The following IL4R variants were observed in gnomAD, a reference collection of about 807,000 sequenced individuals.
The protein encoded by IL4R is interleukin 4 receptor.
Under a neutral mutation model 41.5 loss-of-function variants are expected in IL4R, and 17 were observed. The observed-to-expected ratio is 0.41, with a 90% CI of 0.28 to 0.61. IL4R has a LOEUF of 0.61. Among genes scored for constraint, IL4R ranks in the 20% least tolerant of loss-of-function variants. The pLI, the probability that IL4R is intolerant of heterozygous loss-of-function variation, is 0.31. For synonymous variants in IL4R, 402 were observed against 422.9 expected (o/e 0.95, Z 0.61); for missense variants, 974 against 1,043.1 (o/e 0.93, Z 0.91).
chr16:27,348,826 G>A (rs1055873790), intron 6 of IL4R, among the ~76,000 whole-genome samples: 3 of 152,184 alleles, frequency 2.0e-5, no homozygotes, highest in Admixed American at 6.5e-5. Context: ...AATAAGGCAG[G>A]AGTGGCTTCC....
chr16:27,351,433 G>C (rs1228622487), intron 6 of IL4R, among the ~76,000 whole-genome samples: 1 of 151,582 alleles, frequency 6.6e-6, no homozygotes, highest in Admixed American at 6.6e-5. Flanking sequence ...ATGACACAAA[G>C]ATGTGATTCA....
At chr16:27,346,444 C>T (rs1476361818) in intron 5 of IL4R, 23 bp from the exon 6 acceptor site, 1 of 1,613,742 alleles carries the variant, frequency 6.2e-7, no homozygotes. Flanking sequence ...TAGATCCTCA[C>T]ATAGAGGCCG....
chr16:27,362,889 C>A lies in IL4R; in HGVS notation c.1537C>A (p.Leu513Met), dbSNP rs2086352208. ...GAGCCAGTCACCGTGTCCCAGAGAG[C>A]TGGGTCCAGACCCACTGCTGGCCAG... The part of the protein sequence containing the change: ...SLSQSPCPRE[L>M]GPDPLLARHL... Residue 513 changes from leucine to methionine, a missense_variant, in exon 11 of 11, where the codon CTG becomes ATG. Leu to Met is a conservative substitution (Grantham distance 15). Coordinates refer to ENST00000395762, the MANE Select transcript of IL4R (RefSeq NM_000418.4). 6 of 1,614,166 alleles carry A rather than the reference C, an allele frequency of 3.7e-6. No homozygotes were observed. The East Asian group carries it at 1.3e-4, about 36-fold the overall frequency.
intron 10 of IL4R, 132 bp downstream of exon 10, chr16:27,360,947 G>C (rs1179792067): frequency 9.5e-6 from 15 of 1,571,636 alleles, no homozygotes; most frequent in Non-Finnish European, 1.3e-5. Context: ...TAGCCTTCAA[G>C]GGACGGCAGG....
At chr16:27,354,781 C>T (rs907067724) in intron 7 of IL4R, among the ~76,000 whole-genome samples, 1 of 152,192 alleles carries the variant, frequency 6.6e-6, no homozygotes, top group Non-Finnish European at 1.5e-5. Context: ...ACCCTGCCAC[C>T]GCACAGCCCT....
Position 27,352,624 on chromosome 16 carries a change from C to G in IL4R, c.598C>G (p.Arg200Gly), listed in dbSNP as rs370524692. 1 of 1,614,016 alleles carries G rather than the reference C, an allele frequency of 6.2e-7. No individual in the cohort carries two copies. The highest frequency in any genetic ancestry group is 1.3e-5 in the African/African-American group (1 of 74,918). Residue 200 changes from arginine (R) to glycine (G), a missense_variant, in exon 7 of 11, where the codon CGG (arginine) becomes GGG (glycine). By Grantham distance (125) the Arg-to-Gly change is moderately radical (BLOSUM62 -2). Around this residue, in one of 3 missense-constraint regions of IL4R, gnomAD observed 284 missense variants for 313.4 expected, o/e 0.91. Transcript: ENST00000395762. ...TLKSGISYRARVRAWAQCYNT... is the reference protein window; with the variant it reads ...TLKSGISYRAGVRAWAQCYNT... ...GAAGTCTGGGATTTCCTACAGGGCACGGGTGAGGGCCTGGGCTCAGTGCTA... is the reference window on the plus strand; with the variant it reads ...GAAGTCTGGGATTTCCTACAGGGCAGGGGTGAGGGCCTGGGCTCAGTGCTA...
rs749963919 is a variant in IL4R at position 27,363,880 on chromosome 16, C to T, written c.*50C>T. On this transcript the variant is annotated 3_prime_UTR_variant, in exon 11 of 11. Transcript: ENST00000395762. ...CTGCAGATGAGGACTAGGGCTTATCCATGCCTGGGAAATGCCACCTCCTGG... is the reference window on the plus strand; with the variant it reads ...CTGCAGATGAGGACTAGGGCTTATCTATGCCTGGGAAATGCCACCTCCTGG... 2.1e-5 allele frequency: 32 copies of T among 1,529,638 alleles called. No individual in the cohort carries two copies. In the South Asian group the frequency reaches 3.9e-4, roughly 18 times the overall value. 94.8% of individuals were successfully genotyped at this position (1,529,638 alleles called of 1,614,324 possible). A position where few individuals can be genotyped will look rare whatever the true frequency, so the allele number is the denominator to read the frequency against.
At chr16:27,332,072 G>A (rs2085125019) in intron 2 of IL4R, among the ~76,000 whole-genome samples, 1 of 151,916 alleles carries the variant, frequency 6.6e-6, no homozygotes, top group Non-Finnish European at 1.5e-5. Flanking sequence ...TAACCTCCTG[G>A]GCTCAAGTGA....
At chr16:27,338,209 C>A (rs1454606001) in intron 2 of IL4R, among the ~76,000 whole-genome samples, 1 of 151,590 alleles carries the variant, frequency 6.6e-6, no homozygotes, top group Non-Finnish European at 1.5e-5. Context: ...CCCACCTCAG[C>A]CTCCCAAACT....
intron 2 of IL4R, among the ~76,000 whole-genome samples, chr16:27,338,421 G>T (rs1402023625): frequency 6.6e-6 from 1 of 151,652 alleles, no homozygotes; most frequent in Non-Finnish European, 1.5e-5. Context: ...GTCTCACTCT[G>T]TTGCCCAGGC....
Position 27,362,630 on chromosome 16 carries a change from C to T in IL4R, c.1278C>T (p.Asp426=), listed in dbSNP as rs1340959998. The T allele has an allele frequency of 1.2e-6, 2 of 1,614,124 alleles. No homozygotes were observed. The highest frequency in any genetic ancestry group is 2.2e-5 in the South Asian group (2 of 91,082). The change falls in exon 11 of 11, where the codon GAC becomes GAT. Residue 426 remains aspartate, a synonymous_variant. Transcript: ENST00000395762. Reference sequence around the variant, plus strand: ...AGAATGGGGGCTTTTGCCAGCAGGACATGGGGGAGTCATGCCTTCTTCCAC... The same window carrying T: ...AGAATGGGGGCTTTTGCCAGCAGGATATGGGGGAGTCATGCCTTCTTCCAC... ...GEENGGFCQQ[D]MGESCLLPPS...
In IL4R at chr16:27,352,698, T is replaced by C. The variant is rs1567328900; in HGVS notation, c.670+2T>C. ...GCCCCAGCACCAAGTGGCACAACTG[T>C]GAGTATCAAGAGGCCTAAGCAATGG... On this transcript the variant is annotated splice_donor_variant, in intron 7 of 10. Transcript: ENST00000395762. LOFTEE classifies it high-confidence loss of function. The C allele has an allele frequency of 5.0e-6, 8 of 1,613,824 alleles. No homozygotes were observed. Among genetic ancestry groups the C allele is most frequent in the Non-Finnish European group, 6.8e-6 (8 of 1,179,820 alleles).
intron 4 of IL4R, among the ~76,000 whole-genome samples, chr16:27,343,395 G>C (rs2085506049): frequency 6.7e-6 from 1 of 149,816 alleles, no homozygotes; most frequent in African/African-American, 2.5e-5. Flanking sequence ...GAAACTGCAT[G>C]GCCCTCCTTT....
intron 4 of IL4R, 34 bp downstream of exon 4, chr16:27,342,293 G>A (rs747322278): frequency 6.2e-7 from 1 of 1,613,416 alleles, no homozygotes; most frequent in Admixed American, 1.7e-5. Context: ...GTTTGGGGAG[G>A]TTGTGCCCAA....
intron 5 of IL4R, among the ~76,000 whole-genome samples, chr16:27,346,216 C>A (rs545928104): frequency 2.0e-4 from 31 of 152,170 alleles, no homozygotes; most frequent in Admixed American, 1.4e-3. Context: ...CAGAGTGGGA[C>A]CCTGTCTCAA....
rs2084674717 is a variant in IL4R at position 27,317,184 on chromosome 16, G to T, written c.-152+3164G>T. Among the ~76,000 whole-genome samples the T allele has an allele frequency of 2.0e-5, 3 of 152,188 alleles. No individual in the cohort carries two copies. The South Asian group carries it at 6.2e-4, about 31-fold the overall frequency. ...CTCCTAAAGTGTTGGATTTATAGAT[G>T]CGAGCAAACGTGCCTGGCCTAAATG... On this transcript the variant is annotated intron_variant, in intron 1 of 10. Transcript: ENST00000395762.
chr16:27,361,936 T>C (rs2086304943), intron 10 of IL4R, among the ~76,000 whole-genome samples: 1 of 152,114 alleles, frequency 6.6e-6, no homozygotes, highest in African/African-American at 2.4e-5. Context: ...TCCTTTCTAA[T>C]TGGTCATGGC....
chr16:27,362,776 C>G lies in IL4R; in HGVS notation c.1424C>G (p.Pro475Arg). 1.2e-6 allele frequency: 2 copies of G among 1,614,108 alleles called. No homozygotes were observed. Among genetic ancestry groups the G allele is most frequent in the Non-Finnish European group, 1.7e-6 (2 of 1,180,018 alleles). ...CTGGAGCCAAGTCCTCCTGCCAGCCCGACCCAGAGTCCAGACAACCTGACT... is the reference window on the plus strand; with the variant it reads ...CTGGAGCCAAGTCCTCCTGCCAGCCGGACCCAGAGTCCAGACAACCTGACT... Reference protein sequence around the residue: ...LHLEPSPPASPTQSPDNLTCT... With the variant: ...LHLEPSPPASRTQSPDNLTCT... The change falls in exon 11 of 11, where the codon CCG becomes CGG. Residue 475 changes from proline to arginine, a missense_variant. Transcript: ENST00000395762.
rs748811310 is a variant in IL4R, at chr16:27,363,700, C to T, written c.2348C>T (p.Ser783Leu). 6.2e-6 allele frequency: 10 copies of T among 1,613,782 alleles called. No homozygotes were observed. Among genetic ancestry groups the T allele is most frequent in the East Asian group, 2.2e-5 (1 of 44,880 alleles). ...ASLCPASLAP[S>L]GISEKSKSSS... ...CTGTGTCCGGCCTCCCTGGCACCCT[C>T]GGGCATCTCAGAGAAGAGTAAATCC... is the stretch of plus-strand genomic sequence containing the variant. The change falls in exon 11 of 11, where the codon TCG (serine) becomes TTG (leucine). Residue 783 changes from serine (S) to leucine (L), a missense_variant. Physicochemically the swap from Ser to Leu is moderately radical, Grantham distance 145. Transcript: ENST00000395762.
Sources: gnomAD v4.1 joint callset for allele counts (sites outside exome capture counted in the v4.1 genomes callset) on GRCh38, gnomAD v4.1.1 for gene constraint, gnomAD v4.1.1 regional missense constraint, MANE v1.5 for transcripts, NCBI Gene and HGNC (gene_info 2026-07-23, HGNC 2026-07-21) for gene names.